Variants in CADPS observed in about 807,000 individuals in gnomAD.
The protein encoded by CADPS is calcium dependent secretion activator, also known as calcium-dependent secretion activator 1.
Under a neutral mutation model 167.3 loss-of-function variants are expected in CADPS, and 57 were observed. That is an observed-to-expected ratio of 0.34 (90% CI 0.28 to 0.42). CADPS has a LOEUF of 0.42. CADPS is among the 20% of genes least tolerant of loss of function. CADPS has a pLI of 1.00. For missense variants in CADPS, 1,414 were observed against 1,738.1 expected, an observed-to-expected ratio of 0.81 and a Z score of 3.32; for synonymous variants, 676 against 635.3, an observed-to-expected ratio of 1.06 and a Z score of -0.96.
chr3:62,634,178 A>G (rs1168229113), intron 6 of CADPS, among the ~76,000 whole-genome samples: 1 of 152,226 alleles, frequency 6.6e-6, no homozygotes, highest in African/African-American at 2.4e-5. Flanking sequence ...AAACAGGTCT[A>G]GAGAAATTAC....
intron 5 of CADPS, among the ~76,000 whole-genome samples, chr3:62,648,075 C>A (rs2069004867): frequency 6.6e-6 from 1 of 152,156 alleles, no homozygotes; most frequent in Non-Finnish European, 1.5e-5. Context: ...ATGACTTGCA[C>A]CAAGCTGCAA....
At chr3:62,508,173 T>C (rs2067024020) in intron 17 of CADPS, among the ~76,000 whole-genome samples, 1 of 152,128 alleles carries the variant, frequency 6.6e-6, no homozygotes, top group South Asian at 2.1e-4. Context: ...AGTTAATGGA[T>C]TGTGGATAGG....
chr3:62,556,213 G>A (rs969273033), intron 10 of CADPS, among the ~76,000 whole-genome samples: 2 of 152,172 alleles, frequency 1.3e-5, no homozygotes, highest in Admixed American at 6.5e-5. Context: ...TTTCAAACTC[G>A]TTGGTTCTGC....
At chr3:62,700,328 C>T (rs1048819982) in intron 3 of CADPS, among the ~76,000 whole-genome samples, 4 of 152,076 alleles carry the variant, frequency 2.6e-5, no homozygotes, top group East Asian at 1.9e-4. Context: ...TGGTTTGTGA[C>T]ACTGAAAACT....
intron 7 of CADPS, 49 bp downstream of exon 7, chr3:62,592,588 C>T (rs1484023095): frequency 5.6e-6 from 8 of 1,418,106 alleles, no homozygotes; most frequent in Non-Finnish European, 7.0e-6. Context: ...GGAGACCTAG[C>T]TGGGGAAATC....
intron 24 of CADPS, 26 bp downstream of exon 24, chr3:62,474,147 A>AACTTTTTTTTTTTT: frequency 1.7e-6 from 1 of 602,460 alleles, no homozygotes; most frequent in Admixed American, 5.5e-5. Flanking sequence ...GGAAAAAAAA[A>AACTTTTTTTTTTTT]TCTGTATTTT....
chr3:62,669,129 G>A (rs1429866566), intron 3 of CADPS, among the ~76,000 whole-genome samples: 1 of 152,312 alleles, frequency 6.6e-6, no homozygotes, highest in East Asian at 1.9e-4. Flanking sequence ...GCCACCTGCT[G>A]ACCTGGGTTT....
At chr3:62,657,302 T>G (rs2071888751) in intron 4 of CADPS, among the ~76,000 whole-genome samples, 2 of 152,172 alleles carry the variant, frequency 1.3e-5, no homozygotes. Context: ...AAACGACGGC[T>G]TGAAGAACCA....
At chr3:62,556,195 ATTGT>A (rs764650075) in intron 10 of CADPS, among the ~76,000 whole-genome samples, 34 of 152,318 alleles carry the variant, frequency 2.2e-4, no homozygotes, top group South Asian at 2.1e-4. Context: ...GTTGCATGAA[ATTGT>A]TTGTTTCAAA....
At chr3:62,434,541 C>CA (rs370258077) in intron 28 of CADPS, among the ~76,000 whole-genome samples, 23 of 151,636 alleles carry the variant, frequency 1.5e-4, no homozygotes, top group Admixed American at 7.9e-4. Context: ...TTGGTTAAAA[C>CA]AAAAAAAATC....
At chr3:62,556,994 AACACACACACACACACAC>A (rs56228621) in intron 10 of CADPS, among the ~76,000 whole-genome samples, 50 of 143,658 alleles carry the variant, frequency 3.5e-4, no homozygotes, top group East Asian at 1.2e-3. Context: ...GGTGAAAAAC[AACACACACACACACACAC>A]ACACACACAC....
At chr3:62,485,370 T>C (rs1289884462) in intron 21 of CADPS, among the ~76,000 whole-genome samples, 1 of 152,188 alleles carries the variant, frequency 6.6e-6, no homozygotes, top group Non-Finnish European at 1.5e-5. Flanking sequence ...TTTCTACCTT[T>C]GTACATCATC....
intron 4 of CADPS, among the ~76,000 whole-genome samples, chr3:62,660,080 T>C (rs1322994806): frequency 6.6e-6 from 1 of 152,150 alleles, no homozygotes; most frequent in East Asian, 1.9e-4. Context: ...AGAGAGTTCT[T>C]TGATTTACTA....
intron 3 of CADPS, among the ~76,000 whole-genome samples, chr3:62,680,220 T>A (rs200384137): frequency 6.7e-6 from 1 of 149,204 alleles, no homozygotes; most frequent in Admixed American, 6.7e-5. Context: ...GTCAGCCATT[T>A]GGAAATTCTG....
intron 1 of CADPS, among the ~76,000 whole-genome samples, chr3:62,873,746 A>G (rs1231154332): frequency 4.6e-5 from 7 of 151,954 alleles, no homozygotes; most frequent in African/African-American, 1.7e-4. Flanking sequence ...TCAAGGCAGC[A>G]GTGGCAGGGC....
intron 1 of CADPS, among the ~76,000 whole-genome samples, chr3:62,833,765 C>A (rs1274470201): frequency 6.6e-6 from 1 of 152,076 alleles, no homozygotes; most frequent in Non-Finnish European, 1.5e-5. Context: ...CCTCCACACC[C>A]CTTGCCCCAA....
chr3:62,768,108 A>C (rs527251081), intron 1 of CADPS, among the ~76,000 whole-genome samples: 6 of 152,340 alleles, frequency 3.9e-5, no homozygotes, highest in African/African-American at 1.2e-4. Flanking sequence ...GGAGCAGAGC[A>C]CATATTGATA....
At chr3:62,442,977 G>C (rs72887719) in intron 27 of CADPS, among the ~76,000 whole-genome samples, 9,641 of 152,086 alleles carry the variant, frequency 0.063, 594 homozygotes, top group African/African-American at 0.16. Flanking sequence ...TTTACTAAAA[G>C]GTTTACTATA....
chr3:62,510,573 T>C (rs75924840), intron 17 of CADPS, among the ~76,000 whole-genome samples: 5,131 of 152,234 alleles, frequency 0.034, 99 homozygotes, highest in East Asian at 0.057. Context: ...TGTAATTAAA[T>C]TGAACATTTA....
Sources: gnomAD v4.1 joint callset for allele counts (sites outside exome capture counted in the v4.1 genomes callset) on GRCh38, gnomAD v4.1.1 for gene constraint, MANE v1.5 for transcripts, NCBI Gene and HGNC (gene_info 2026-07-23, HGNC 2026-07-21) for gene names.